The following SORCS2 variants were observed in gnomAD, a reference collection of about 807,000 sequenced individuals.
SORCS2 encodes the protein sortilin related VPS10 domain containing receptor 2.
A neutral mutation model predicts 141.6 loss-of-function variants in SORCS2; 100 were observed. That is an observed-to-expected ratio of 0.71 (90% confidence interval 0.60 to 0.83). SORCS2 has a LOEUF of 0.83. SORCS2 is among the 40% of genes least tolerant of loss of function. SORCS2 has a pLI of 0.00. For missense variants in SORCS2, 1,646 were observed against 1,560.2 expected (o/e 1.05, Z -0.93); for synonymous variants, 789 against 676.9 (o/e 1.17, Z -2.57).
At chr4:7,626,291 C>T (rs1719512875) in intron 3 of SORCS2, among the ~76,000 whole-genome samples, 1 of 152,230 alleles carries the variant, frequency 6.6e-6, no homozygotes, top group Non-Finnish European at 1.5e-5. Flanking sequence ...ACACATTCCT[C>T]TTTCATAAAA....
chr4:7,653,262 A>C (rs1721551051), intron 4 of SORCS2, among the ~76,000 whole-genome samples: 1 of 151,616 alleles, frequency 6.6e-6, no homozygotes, highest in African/African-American at 2.4e-5. Context: ...TTTTTTTTTC[A>C]GGTGGAGTTT....
chr4:7,435,934 C>G (rs1263279304), intron 2 of SORCS2, among the ~76,000 whole-genome samples: 1 of 152,222 alleles, frequency 6.6e-6, no homozygotes, highest in Non-Finnish European at 1.5e-5. Flanking sequence ...GCTCAGCTTC[C>G]TGGGCTTGGG....
chr4:7,671,183 C>A (rs1013399554), intron 8 of SORCS2, among the ~76,000 whole-genome samples: 1 of 151,988 alleles, frequency 6.6e-6, no homozygotes, highest in African/African-American at 2.4e-5. Context: ...AAAATAAGAA[C>A]AAAACATGGC....
At chr4:7,310,370 T>A (rs1259026313) in intron 1 of SORCS2, 1 of 154,312 alleles carries the variant, frequency 6.5e-6, no homozygotes, top group East Asian at 1.9e-4. Flanking sequence ...GCCAGAGGTG[T>A]GTGTTCCTCA....
At chr4:7,654,395 C>T (rs62290674) in intron 5 of SORCS2, among the ~76,000 whole-genome samples, 188 bp downstream of exon 5, 3,181 of 152,306 alleles carry the variant, frequency 0.021, 50 homozygotes, top group Non-Finnish European at 0.035. Flanking sequence ...CAGGGGAACC[C>T]GCAGTCGTTC....
chr4:7,619,132 C>T (rs573200964), intron 3 of SORCS2, among the ~76,000 whole-genome samples: 83 of 152,312 alleles, frequency 5.4e-4, no homozygotes, highest in African/African-American at 1.9e-3. Flanking sequence ...GAAGCTATCA[C>T]CCCTCTCGAG....
At chr4:7,222,948 C>CT (rs933479581) in intron 1 of SORCS2, among the ~76,000 whole-genome samples, 8 of 152,138 alleles carry the variant, frequency 5.3e-5, no homozygotes, top group Admixed American at 1.3e-4. Flanking sequence ...GACTTCTTTG[C>CT]TTTTTTCAGG....
chr4:7,270,287 T>G (rs1715028494), intron 1 of SORCS2, among the ~76,000 whole-genome samples: 1 of 152,262 alleles, frequency 6.6e-6, no homozygotes, highest in African/African-American at 2.4e-5. Context: ...CGCGTGTGGG[T>G]GCAGCACCCG....
At chr4:7,582,185 T>C (rs1716203612) in intron 3 of SORCS2, among the ~76,000 whole-genome samples, 2 of 152,238 alleles carry the variant, frequency 1.3e-5, no homozygotes, top group South Asian at 4.1e-4. Context: ...GGCGTTATTA[T>C]TCCCAATTTT....
chr4:7,427,385 T>C (rs1002499540), intron 2 of SORCS2, among the ~76,000 whole-genome samples: 4 of 151,574 alleles, frequency 2.6e-5, no homozygotes, highest in African/African-American at 7.3e-5. Context: ...GCTGTAGAGG[T>C]TTGGAAAGAG....
intron 3 of SORCS2, among the ~76,000 whole-genome samples, chr4:7,619,383 C>A (rs1456109990): frequency 6.6e-6 from 1 of 152,164 alleles, no homozygotes; most frequent in African/African-American, 2.4e-5. Flanking sequence ...GCTTGTGTGT[C>A]CTTCTGGAAG....
chr4:7,584,677 C>T lies in SORCS2; in HGVS notation c.648+53048C>T, dbSNP rs572745772. Among the ~76,000 whole-genome samples, 11 of 152,322 alleles carry T rather than the reference C, an allele frequency of 7.2e-5. No individual in the cohort carries two copies. The East Asian group carries it at 1.5e-3, about 21-fold the overall frequency. On this transcript the variant is annotated intron_variant, in intron 3 of 26. Transcript: ENST00000507866. ...GTCTTGCTCCTGCATCCCTTCCTAA[C>T]GCAGAGCCTAAACCACAGCGGGGCT... is the stretch of plus-strand genomic sequence containing the variant.
chr4:7,305,923 G>A (rs902372943), intron 1 of SORCS2, among the ~76,000 whole-genome samples: 10 of 152,210 alleles, frequency 6.6e-5, no homozygotes, highest in African/African-American at 2.2e-4. Context: ...AACACGGAGG[G>A]GTGAGGCTGG....
chr4:7,734,450 CA>C, intron 25 of SORCS2, 76 bp downstream of exon 25: 1 of 1,076,134 alleles, frequency 9.3e-7, no homozygotes, highest in Non-Finnish European at 1.3e-6. Flanking sequence ...CTCACTCAGG[CA>C]GATCTAGAAA....
intron 3 of SORCS2, among the ~76,000 whole-genome samples, chr4:7,550,568 T>C (rs1713623361): frequency 6.6e-6 from 1 of 152,210 alleles, no homozygotes. Context: ...GGAACCCAGC[T>C]GGCAGAGGGC....
intron 1 of SORCS2, among the ~76,000 whole-genome samples, chr4:7,274,175 G>T (rs1264381402): frequency 6.6e-6 from 1 of 152,238 alleles, no homozygotes; most frequent in Non-Finnish European, 1.5e-5. Context: ...AGATCCGGCT[G>T]GACAGACGTT....
chr4:7,688,687 T>C (rs1437827169), intron 10 of SORCS2, among the ~76,000 whole-genome samples: 1 of 147,790 alleles, frequency 6.8e-6, no homozygotes, highest in Non-Finnish European at 1.5e-5. Flanking sequence ...CTGCCTCACT[T>C]CACCCTATGG....
chr4:7,446,419 A>G (rs1372315367), intron 2 of SORCS2, among the ~76,000 whole-genome samples: 1 of 152,168 alleles, frequency 6.6e-6, no homozygotes, highest in Non-Finnish European at 1.5e-5. Flanking sequence ...TATGAATTTT[A>G]GGGGACACAA....
At chr4:7,627,987 G>A (rs1462555595) in intron 3 of SORCS2, among the ~76,000 whole-genome samples, 4 of 152,340 alleles carry the variant, frequency 2.6e-5, no homozygotes, top group East Asian at 3.9e-4. Context: ...TGGCGAGGAC[G>A]CCAGAGACCC....
Sources: gnomAD v4.1 joint callset for allele counts (sites outside exome capture counted in the v4.1 genomes callset) on GRCh38, gnomAD v4.1.1 for gene constraint, MANE v1.5 for transcripts, NCBI Gene and HGNC (gene_info 2026-07-23, HGNC 2026-07-21) for gene names.